CDYL2: variants seen among roughly 807,000 people sequenced by gnomAD.
The protein encoded by CDYL2 is chromodomain Y-like protein 2.
CDYL2 carries 23 observed loss-of-function variants against 49.4 expected under a neutral mutation model. That is an observed-to-expected ratio of 0.47 (90% CI 0.34 to 0.66). The LOEUF is 0.66. Among genes scored for constraint, CDYL2 ranks in the 30% least tolerant of loss-of-function variants. CDYL2 has a pLI of 0.01. For missense variants in CDYL2, 678 were observed against 656.4 expected, an observed-to-expected ratio of 1.03 and a Z score of -0.36; for synonymous variants, 360 against 268.8, an observed-to-expected ratio of 1.34 and a Z score of -3.32.
intron 2 of CDYL2, among the ~76,000 whole-genome samples, chr16:80,642,666 G>T (rs1308349964): frequency 6.6e-6 from 1 of 152,126 alleles, no homozygotes; most frequent in Non-Finnish European, 1.5e-5. Flanking sequence ...ATGGAGGGAG[G>T]TGAAAGGCAC....
At position 80,612,843 on chromosome 16, in the gene CDYL2, G is replaced by A. The variant is rs760407572; in HGVS notation, c.1008-7C>T. 3 of 1,600,720 alleles carry A rather than the reference G, an allele frequency of 1.9e-6. No individual in the cohort carries two copies. In the Admixed American group the frequency reaches 5.1e-5, roughly 27 times the overall value. On this transcript the variant is annotated splice_polypyrimidine_tract_variant and splice_region_variant and intron_variant, in intron 4 of 6. Coordinates refer to ENST00000570137, the MANE Select transcript of CDYL2 (RefSeq NM_152342.4). The surrounding 1 kb of genome is among the most constrained non-coding windows in gnomAD (Gnocchi z 5.0). The stretch of plus-strand genomic sequence containing the variant: ...AAAGGCCTTCACAAAGTCCCTGGGA[G>A]AGAAAGAAGATCCTCTTGAACAGGT...
At position 80,684,767 on chromosome 16, in the gene CDYL2, G is replaced by A; in HGVS notation, c.387C>T (p.Asp129=). ...TGTAAGACACCGTCTTGGTGGCCCT[G>A]TCACCTCCTGAAGAGGGCTTGCCTG... is the stretch of plus-strand genomic sequence containing the variant. ...GYSGKPSSGG[D]RATKTVSYRT... is the part of the protein sequence containing the mutation. The change falls in exon 2 of 7, where the codon GAC becomes GAT. Residue 129 remains aspartate, a synonymous_variant. Coordinates refer to ENST00000570137, the MANE Select transcript of CDYL2 (RefSeq NM_152342.4). The A allele has an allele frequency of 6.8e-6, 11 of 1,614,208 alleles. No homozygotes were observed. Among genetic ancestry groups the A allele is most frequent in the Non-Finnish European group, 9.3e-6 (11 of 1,180,038 alleles).
At chr16:80,798,401 GACA>G (rs1907829528) in intron 1 of CDYL2, among the ~76,000 whole-genome samples, 1 of 152,044 alleles carries the variant, frequency 6.6e-6, no homozygotes, top group Admixed American at 6.6e-5. Flanking sequence ...AGACCACAAG[GACA>G]ACCCCTCCCC....
At chr16:80,682,464 A>G (rs1216358145) in intron 2 of CDYL2, among the ~76,000 whole-genome samples, 1 of 152,220 alleles carries the variant, frequency 6.6e-6, no homozygotes, top group African/African-American at 2.4e-5. Flanking sequence ...AAGGGTGAAG[A>G]GCACAGAGCT....
chr16:80,760,210 A>C (rs1169291782), intron 1 of CDYL2, among the ~76,000 whole-genome samples: 1 of 152,204 alleles, frequency 6.6e-6, no homozygotes, highest in Non-Finnish European at 1.5e-5. Flanking sequence ...TCAACTAGGC[A>C]GTTTAACTGC....
intron 3 of CDYL2, among the ~76,000 whole-genome samples, chr16:80,624,533 G>C (rs1907221528): frequency 6.6e-6 from 1 of 151,922 alleles, no homozygotes; most frequent in Non-Finnish European, 1.5e-5. Context: ...GACCGCATGG[G>C]AATTACACAG....
At chr16:80,721,990 G>A (rs1327358627) in intron 1 of CDYL2, among the ~76,000 whole-genome samples, 1 of 152,206 alleles carries the variant, frequency 6.6e-6, no homozygotes, top group Non-Finnish European at 1.5e-5. Context: ...ATTCTCAGGA[G>A]ACCCTTCTTT....
chr16:80,635,348 T>C (rs578085083), intron 2 of CDYL2, among the ~76,000 whole-genome samples: 1 of 152,220 alleles, frequency 6.6e-6, no homozygotes, highest in East Asian at 1.9e-4. Context: ...CTCCTTAAGC[T>C]CATAAACAAC....
chr16:80,707,606 G>C (rs994526785), intron 1 of CDYL2, among the ~76,000 whole-genome samples: 1 of 152,214 alleles, frequency 6.6e-6, no homozygotes, highest in East Asian at 1.9e-4. Context: ...AGAACATGCA[G>C]CTTCTTTGGG....
intron 1 of CDYL2, among the ~76,000 whole-genome samples, chr16:80,760,975 T>C (rs1906507964): frequency 6.6e-6 from 1 of 152,132 alleles, no homozygotes; most frequent in African/African-American, 2.4e-5. Context: ...TATTAATGCC[T>C]GGGCAGTGAA....
chr16:80,691,638 T>C (rs1910419179), intron 1 of CDYL2, among the ~76,000 whole-genome samples: 1 of 152,214 alleles, frequency 6.6e-6, no homozygotes, highest in Admixed American at 6.5e-5. Context: ...CATAAAAATT[T>C]TTAAAACATA....
chr16:80,706,132 T>A (rs552421187), intron 1 of CDYL2, among the ~76,000 whole-genome samples: 34 of 152,170 alleles, frequency 2.2e-4, no homozygotes, highest in African/African-American at 7.9e-4. Flanking sequence ...TAACACCTAA[T>A]CCCCAGCCAA....
chr16:80,752,213 G>C lies in CDYL2; in HGVS notation c.24+51937C>G, dbSNP rs143901005. On this transcript the variant is annotated intron_variant, in intron 1 of 6. Transcript: ENST00000570137. Reference sequence around the variant, plus strand: ...AATAGAATTAGTAAAATGAATGATAGGTTAGAAGACAACATCCAGACAGCA... The same window carrying C: ...AATAGAATTAGTAAAATGAATGATACGTTAGAAGACAACATCCAGACAGCA... Among the ~76,000 whole-genome samples, 383 of 152,146 alleles carry C rather than the reference G, an allele frequency of 2.5e-3. 7 individuals carry two copies. Among genetic ancestry groups the C allele is most frequent in the Admixed American group, 0.022 (333 of 15,278 alleles).
At chr16:80,636,254 C>T (rs1303550556) in intron 2 of CDYL2, among the ~76,000 whole-genome samples, 2 of 152,164 alleles carry the variant, frequency 1.3e-5, no homozygotes, top group African/African-American at 2.4e-5. Context: ...AAGAAACTAT[C>T]ACGAGAGTGA....
At chr16:80,663,099 G>A (rs1909115865) in intron 2 of CDYL2, among the ~76,000 whole-genome samples, 1 of 90,462 alleles carries the variant, frequency 1.1e-5, no homozygotes, top group African/African-American at 2.8e-5. Flanking sequence ...AAATTGTGGT[G>A]TTGGGGGTCT....
At chr16:80,722,058 T>G (rs982357827) in intron 1 of CDYL2, among the ~76,000 whole-genome samples, 1 of 152,170 alleles carries the variant, frequency 6.6e-6, no homozygotes, top group African/African-American at 2.4e-5. Flanking sequence ...AAGGGCTCTA[T>G]AAACAAATTA....
chr16:80,719,954 T>A (rs552003324), intron 1 of CDYL2, among the ~76,000 whole-genome samples: 1 of 152,280 alleles, frequency 6.6e-6, no homozygotes, highest in African/African-American at 2.4e-5. Context: ...ACCCTGATCA[T>A]CTGGGAAGGG....
intron 1 of CDYL2, among the ~76,000 whole-genome samples, chr16:80,760,513 A>C (rs1441439158): frequency 1.3e-5 from 2 of 152,160 alleles, no homozygotes; most frequent in East Asian, 1.9e-4. Flanking sequence ...ACAAAGGATA[A>C]ATGCTTGAGG....
At chr16:80,650,905 G>C (rs1316617147) in intron 2 of CDYL2, among the ~76,000 whole-genome samples, 2 of 143,048 alleles carry the variant, frequency 1.4e-5, no homozygotes, top group Non-Finnish European at 3.0e-5. Context: ...TTATTTGTGG[G>C]ATCTAAAAAC....
Sources: allele counts gnomAD v4.1 joint callset (sites outside exome capture counted in the v4.1 genomes callset), GRCh38; gene constraint gnomAD v4.1.1; non-coding constraint Gnocchi (gnomAD v3.1); transcripts MANE v1.5; gene names NCBI Gene and HGNC (gene_info 2026-07-23, HGNC 2026-07-21).